Variants in PTPN5 observed in about 807,000 individuals in gnomAD.
PTPN5 encodes tyrosine-protein phosphatase non-receptor type 5.
PTPN5 carries 29 observed loss-of-function variants against 73.9 expected under a neutral mutation model. The ratio of observed to expected loss-of-function variants is 0.39; its 90% CI spans 0.29 to 0.54. PTPN5 has a LOEUF of 0.54. Among genes scored for constraint, PTPN5 ranks in the 20% least tolerant of loss-of-function variants. The pLI is 0.65. For synonymous variants in PTPN5, 267 were observed against 304.7 expected (o/e 0.88, Z 1.29); for missense variants, 652 against 751.4 (o/e 0.87, Z 1.55).
chr11:18,752,439 G>A (rs1462473328), intron 3 of PTPN5, among the ~76,000 whole-genome samples: 1 of 152,190 alleles, frequency 6.6e-6, no homozygotes, highest in African/African-American at 2.4e-5. Flanking sequence ...GGAGGACAAT[G>A]GGTGCCCCAC....
At chr11:18,764,303 G>A (rs1356752094) in intron 3 of PTPN5, among the ~76,000 whole-genome samples, 2 of 152,158 alleles carry the variant, frequency 1.3e-5, no homozygotes, top group African/African-American at 4.8e-5. Flanking sequence ...GTCATCCTAA[G>A]ATACACAGAA....
At chr11:18,785,216 T>C (rs550224057) in intron 1 of PTPN5, among the ~76,000 whole-genome samples, 68 of 152,266 alleles carry the variant, frequency 4.5e-4, no homozygotes, top group African/African-American at 1.6e-3. Flanking sequence ...CACCCCTCTT[T>C]AACCACCTTG....
intron 1 of PTPN5, among the ~76,000 whole-genome samples, chr11:18,777,807 T>C (rs1324828064): frequency 1.3e-5 from 2 of 152,036 alleles, no homozygotes; most frequent in Admixed American, 6.6e-5. Flanking sequence ...GAGCGGAGCA[T>C]GGTGGTACAC....
At chr11:18,743,105 T>C in intron 5 of PTPN5, 30 bp from the exon 6 acceptor site, 2 of 1,471,362 alleles carry the variant, frequency 1.4e-6, no homozygotes, top group Non-Finnish European at 1.9e-6. Flanking sequence ...CAGGTCAGGG[T>C]GGTGGTGGGG....
Position 18,742,698 on chromosome 11 carries a change from C to T in PTPN5, c.484-195G>A, listed in dbSNP as rs1304571532. Among the ~76,000 whole-genome samples the T allele has an allele frequency of 6.6e-6, 1 of 152,182 alleles. No individual in the cohort carries two copies. Among genetic ancestry groups the T allele is most frequent in the Non-Finnish European group, 1.5e-5 (1 of 68,026 alleles). ...ATGCCCACTCTCCTTCCCTGCCCCT[C>T]CCTCTCCCAGCTCTCTGTTTCTTGT... is the stretch of plus-strand genomic sequence containing the variant. On this transcript the variant is annotated intron_variant, in intron 6 of 14. Coordinates refer to ENST00000358540, the MANE Select transcript of PTPN5 (RefSeq NM_006906.2). This position sits in a 1 kb window ranked among gnomAD's most constrained non-coding sequence, Gnocchi z 4.1.
intron 3 of PTPN5, chr11:18,744,485 CT>C: frequency 3.4e-6 from 1 of 295,460 alleles, no homozygotes. Flanking sequence ...CAGCTTCATT[CT>C]TTTCCATTTC....
chr11:18,732,762 C>T, intron 11 of PTPN5, 60 bp from the exon 12 acceptor site: 1 of 1,409,524 alleles, frequency 7.1e-7, no homozygotes, highest in South Asian at 1.2e-5. Flanking sequence ...ACTCTCTACA[C>T]TCTCTTCAGG....
intron 3 of PTPN5, among the ~76,000 whole-genome samples, chr11:18,744,691 C>T (rs139690504): frequency 6.6e-6 from 1 of 152,134 alleles, no homozygotes; most frequent in African/African-American, 2.4e-5. Context: ...CATCCATGTG[C>T]CCCCACCCCA....
At chr11:18,731,459 G>A (rs183359590) in intron 12 of PTPN5, among the ~76,000 whole-genome samples, 3 of 152,228 alleles carry the variant, frequency 2.0e-5, no homozygotes, top group African/African-American at 4.8e-5. Context: ...ATGGACAAAA[G>A]TAAATTCCCT....
intron 1 of PTPN5, among the ~76,000 whole-genome samples, chr11:18,785,829 C>T (rs913885111): frequency 6.6e-6 from 1 of 152,238 alleles, no homozygotes; most frequent in Non-Finnish European, 1.5e-5. Flanking sequence ...TATTTTGCTA[C>T]TGGACTAACC....
At chr11:18,743,484 C>A (rs1164175813) in intron 4 of PTPN5, 55 bp from the exon 5 acceptor site, 1 of 1,515,396 alleles carries the variant, frequency 6.6e-7, no homozygotes, top group Non-Finnish European at 9.2e-7. Flanking sequence ...CCCCGTGTTC[C>A]CCCAGCAGAG....
chr11:18,743,761 G>C, intron 4 of PTPN5: 1 of 572,898 alleles, frequency 1.7e-6, no homozygotes, highest in South Asian at 2.5e-5. Flanking sequence ...CTCAGGGGTC[G>C]GGGAGGCCCT....
At chr11:18,787,471 T>C (rs141954965) in intron 1 of PTPN5, among the ~76,000 whole-genome samples, 179 of 152,344 alleles carry the variant, frequency 1.2e-3, no homozygotes, top group African/African-American at 3.9e-3. Flanking sequence ...TTCAGGTCTA[T>C]AGGCCCTTAC....
intron 12 of PTPN5, 84 bp downstream of exon 12, chr11:18,732,508 C>T (rs1490616132): frequency 1.1e-5 from 11 of 969,010 alleles, no homozygotes; most frequent in Non-Finnish European, 1.8e-5. Context: ...TTACAGTGGA[C>T]TTGGGGGACC....
chr11:18,750,407 T>C (rs1248880055), intron 3 of PTPN5, among the ~76,000 whole-genome samples: 2 of 152,034 alleles, frequency 1.3e-5, no homozygotes, highest in African/African-American at 4.8e-5. Flanking sequence ...TCCCTACTCC[T>C]AGGACCAGGC....
rs569004940 is a variant in PTPN5, at chr11:18,733,586, C to G, written c.1050G>C (p.Leu350=). The change falls in exon 10 of 15, where the codon CTG becomes CTC. Residue 350 remains leucine (L), a synonymous_variant. Transcript: ENST00000358540. The surrounding 1 kb of genome is among the most constrained non-coding windows in gnomAD (Gnocchi z 4.3). Reference sequence around the variant, plus strand: ...TGTAGTTGGCATTGATGTAGGAACTCAGAGGGTCGTCAGGGTCTGGTGAGG... The same window carrying G: ...TGTAGTTGGCATTGATGTAGGAACTGAGAGGGTCGTCAGGGTCTGGTGAGG... The part of the protein sequence containing the change: ...CLTSPDPDDP[L]SSYINANYIR... 2 of 1,614,228 alleles carry G rather than the reference C, an allele frequency of 1.2e-6. No individual in the cohort carries two copies. The highest frequency in any genetic ancestry group is 2.7e-5 in the African/African-American group (2 of 75,058).
At chr11:18,780,920 T>C (rs1490862675) in intron 1 of PTPN5, among the ~76,000 whole-genome samples, 11 of 151,182 alleles carry the variant, frequency 7.3e-5, no homozygotes, top group Non-Finnish European at 1.0e-4. Flanking sequence ...AAGACATGAG[T>C]GGAAAGGAGT....
rs746159443 is a variant in PTPN5, at chr11:18,735,767, C to CAA, written c.1000+2112_1000+2113insTT. 1.1e-4 allele frequency among the ~76,000 whole-genome samples: 10 copies of CAA among 90,414 alleles called. 1 individual carries two copies. Among genetic ancestry groups the CAA allele is most frequent in the East Asian group, 2.9e-4 (1 of 3,508 alleles). The allele number at this position is 90,414 out of a possible 152,430, so 59.3% of individuals were successfully genotyped here. On this transcript the variant is annotated intron_variant, in intron 9 of 14. Coordinates refer to ENST00000358540, the MANE Select transcript of PTPN5 (RefSeq NM_006906.2). ...GCAGCAGAGTGAGACTCTGTCTCCC[C>CAA]CAAAAAAAAAAAAAAAGCTGGACTT...
At chr11:18,747,034 C>G (rs554523239) in intron 3 of PTPN5, among the ~76,000 whole-genome samples, 1 of 152,294 alleles carries the variant, frequency 6.6e-6, no homozygotes, top group African/African-American at 2.4e-5. Context: ...TCTCAGTTTC[C>G]TTATCTGTAA....
Sources: gnomAD v4.1 joint callset for allele counts (sites outside exome capture counted in the v4.1 genomes callset) on GRCh38, gnomAD v4.1.1 for gene constraint, Gnocchi (gnomAD v3.1) non-coding constraint, MANE v1.5 for transcripts, NCBI Gene and HGNC (gene_info 2026-07-23, HGNC 2026-07-21) for gene names.